The following POM121L2 variants were observed in gnomAD, a reference collection of about 807,000 sequenced individuals.
POM121L2 encodes the protein POM121 transmembrane nucleoporin like 2.
For missense variants in POM121L2, 1,167 were observed against 1,260.3 expected, an observed-to-expected ratio of 0.93 and a Z score of 1.12; for synonymous variants, 459 against 483.8, an observed-to-expected ratio of 0.95 and a Z score of 0.67.
Position 27,309,138 on chromosome 6 carries a change from G to A in POM121L2, c.3033C>T (p.Ser1011=), listed in dbSNP as rs1416732446. 2 of 1,551,704 alleles carry A rather than the reference G, an allele frequency of 1.3e-6. No homozygotes were observed. The highest frequency in any genetic ancestry group is 2.4e-5 in the East Asian group (1 of 40,930). ...TTGGGGTTTTTGATTTTGCGCCAAT[G>A]GAAAATGAAGAGGCTGATGATCTAA... ...GPFRSSASSF[S]IGAKSKTPKN... The change falls in exon 1 of 1, where the codon TCC becomes TCT. Residue 1011 remains serine, a synonymous_variant. Coordinates refer to ENST00000444565, the MANE Select transcript of POM121L2 (RefSeq NM_033482.4).
In POM121L2 at chr6:27,309,144, T is replaced by C; in HGVS notation, c.3027A>G (p.Ser1009=). The C allele has an allele frequency of 6.4e-7, 1 of 1,551,728 alleles. No homozygotes were observed. Among genetic ancestry groups the C allele is most frequent in the Non-Finnish European group, 8.7e-7 (1 of 1,146,998 alleles). The part of the protein sequence containing the change: ...GRGPFRSSAS[S]FSIGAKSKTP... ...TTTTTGATTTTGCGCCAATGGAAAA[T>C]GAAGAGGCTGATGATCTAAAAGGTC... Residue 1009 remains serine (S), a synonymous_variant, in exon 1 of 1, where the codon TCA becomes TCG. Transcript: ENST00000444565.
Position 27,311,832 on chromosome 6 carries a change from T to C in POM121L2, c.339A>G (p.Pro113=). 1 of 1,551,760 alleles carries C rather than the reference T, an allele frequency of 6.4e-7. No individual in the cohort carries two copies. The highest frequency in any genetic ancestry group is 8.7e-7 in the Non-Finnish European group (1 of 1,147,004). ...RTIWSLRHPR[P]IWSPVTIRIT... ...TCCTGATGGTCACTGGGCTCCAAAT[T>C]GGCCTGGGATGTCGAAGAGACCAAA... Residue 113 remains proline (P), a synonymous_variant, in exon 1 of 1, where the codon CCA becomes CCG. Transcript: ENST00000444565.
rs779518027 is a variant in POM121L2, at chr6:27,309,404, C to T, written c.2767G>A (p.Ala923Thr). The T allele has an allele frequency of 1.5e-5, 23 of 1,551,458 alleles. No homozygotes were observed. The African/African-American group carries it at 1.8e-4, about 12-fold the overall frequency. The change falls in exon 1 of 1, where the codon GCA (alanine) becomes ACA (threonine). Residue 923 changes from alanine to threonine, a missense_variant. By Grantham distance (58) the Ala-to-Thr change is moderately conservative (BLOSUM62 0). Coordinates refer to ENST00000444565, the MANE Select transcript of POM121L2 (RefSeq NM_033482.4). Reference protein sequence around the residue: ...SPTSGAFSIGALPSGTTNTMI... With the variant: ...SPTSGAFSIGTLPSGTTNTMI... ...GTGTTAGTGGTCCCACTAGGCAATGCTCCAATGCTGAAAGCTCCAGAGGTG... is the reference window on the plus strand; with the variant it reads ...GTGTTAGTGGTCCCACTAGGCAATGTTCCAATGCTGAAAGCTCCAGAGGTG...
Position 27,310,836 on chromosome 6 carries a change from C to T in POM121L2, c.1335G>A (p.Gly445=). 2 of 1,551,594 alleles carry T rather than the reference C, an allele frequency of 1.3e-6. No individual in the cohort carries two copies. The highest frequency in any genetic ancestry group is 2.4e-5 in the East Asian group (1 of 40,914). ...CTGGAAGGAGCTCTGACTGTGAGCACCCAGGTGGGGTCGGTAGGCTGGGTG... is the reference window on the plus strand; with the variant it reads ...CTGGAAGGAGCTCTGACTGTGAGCATCCAGGTGGGGTCGGTAGGCTGGGTG... ...LKTPSLPTPP[G]CSQSELLPGT... is the part of the protein sequence containing the mutation. Residue 445 remains glycine (G), a synonymous_variant, in exon 1 of 1, where the codon GGG becomes GGA. Coordinates refer to ENST00000444565, the MANE Select transcript of POM121L2 (RefSeq NM_033482.4).
At position 27,310,804 on chromosome 6, in the gene POM121L2, G is replaced by A; in HGVS notation, c.1367C>T (p.Ser456Phe). 6.4e-7 allele frequency: 1 copy of A among 1,551,776 alleles called. No individual in the cohort carries two copies. ...AGTAGCTGTGGGCTTTGAGTCTGGA[G>A]AGGTGCCTGGAAGGAGCTCTGACTG... ...CSQSELLPGT[S>F]PDSKPTATFI... The change falls in exon 1 of 1, where the codon TCT becomes TTT. Residue 456 changes from serine (S) to phenylalanine (F), a missense_variant. Transcript: ENST00000444565.
chr6:27,312,045 C>G lies in POM121L2; in HGVS notation c.126G>C (p.Gln42His), dbSNP rs1297580411. 5.2e-6 allele frequency: 8 copies of G among 1,526,598 alleles called. No homozygotes were observed. Among genetic ancestry groups the G allele is most frequent in the South Asian group, 1.2e-5 (1 of 80,498 alleles). The allele number at this position is 1,526,598 out of a possible 1,614,324, so 94.6% of individuals were successfully genotyped here. A position where few individuals can be genotyped will look rare whatever the true frequency, so the allele number is the denominator to read the frequency against. ...PQPLHQVHRV[Q>H]FVHRAHPAPR... is the part of the protein sequence containing the mutation. ...GGGCAGGGTGGGCGCGGTGGACGAA[C>G]TGAACCCGATGAACTTGGTGAAGGG... Residue 42 changes from glutamine to histidine, a missense_variant, in exon 1 of 1, where the codon CAG becomes CAC. By Grantham distance (24) the Gln-to-His change is conservative. Transcript: ENST00000444565. This position sits in a 1 kb window ranked among gnomAD's most constrained non-coding sequence, Gnocchi z 6.7.
In POM121L2 at chr6:27,310,278, T is replaced by A. The variant is rs1351837503; in HGVS notation, c.1893A>T (p.Thr631=). ...GTGGCTTAAAAACAGAGTCTTTAGA[T>A]GTGCTGGCTAGGGTGGTGGACATGA... ...SVVMSTTLAS[T]SKDSVFKPPL... Residue 631 remains threonine (T), a synonymous_variant, in exon 1 of 1, where the codon ACA becomes ACT. Coordinates refer to ENST00000444565, the MANE Select transcript of POM121L2 (RefSeq NM_033482.4). The A allele has an allele frequency of 1.9e-6, 3 of 1,552,232 alleles. No individual in the cohort carries two copies. Among genetic ancestry groups the A allele is most frequent in the Non-Finnish European group, 2.6e-6 (3 of 1,147,144 alleles).
In POM121L2 at chr6:27,311,938, C is replaced by T; in HGVS notation, c.233G>A (p.Arg78His). Reference protein sequence around the residue: ...TTWLANEAWRRFPMKKSQNSP... With the variant: ...TTWLANEAWRHFPMKKSQNSP... ...ATTCTGGGACTTCTTCATGGGAAAG[C>T]GCCTCCAGGCCTCGTTGGCCAGCCA... is the stretch of plus-strand genomic sequence containing the variant. Residue 78 changes from arginine (R) to histidine (H), a missense_variant, in exon 1 of 1, where the codon CGC becomes CAC. Physicochemically the swap from Arg to His is conservative, Grantham distance 29. Transcript: ENST00000444565. The T allele has an allele frequency of 6.4e-7, 1 of 1,551,666 alleles. No homozygotes were observed. Among genetic ancestry groups the T allele is most frequent in the Non-Finnish European group, 8.7e-7 (1 of 1,146,966 alleles).
chr6:27,311,905 A>AG (rs1561791064), upstream of POM121L2: 37 of 1,551,564 alleles, frequency 2.4e-5, no homozygotes, highest in Non-Finnish European at 3.1e-5. Context: ...GAGAGGCCCC[A>AG]GGGGGGAATT....
Position 27,310,557 on chromosome 6 carries a change from C to A in POM121L2, c.1614G>T (p.Leu538Phe). The A allele has an allele frequency of 6.4e-7, 1 of 1,552,106 alleles. No homozygotes were observed. The highest frequency in any genetic ancestry group is 1.2e-5 in the South Asian group (1 of 84,066). ...TSAHLMLKPI[L>F]GPLHNSEIGS... The stretch of plus-strand genomic sequence containing the variant: ...CAATCTCGCTGTTGTGCAGGGGCCC[C>A]AAAATCGGTTTTAACATGAGGTGAG... The change falls in exon 1 of 1, where the codon TTG becomes TTT. Residue 538 changes from leucine (L) to phenylalanine (F), a missense_variant. Physicochemically the swap from Leu to Phe is conservative, Grantham distance 22. Coordinates refer to ENST00000444565, the MANE Select transcript of POM121L2 (RefSeq NM_033482.4).
At position 27,312,067 on chromosome 6, in the gene POM121L2, A is replaced by T; in HGVS notation, c.104T>A (p.Leu35His). 1 of 1,509,348 alleles carries T rather than the reference A, an allele frequency of 6.6e-7. No individual in the cohort carries two copies. Among genetic ancestry groups the T allele is most frequent in the Non-Finnish European group, 8.9e-7 (1 of 1,124,714 alleles). 93.5% of individuals were successfully genotyped at this position (1,509,348 alleles called of 1,614,324 possible). A position where few individuals can be genotyped will look rare whatever the true frequency, so the allele number is the denominator to read the frequency against. ...GAACTGAACCCGATGAACTTGGTGA[A>T]GGGGCTGAGGTGGCCGGCGTTTCGT... ...RPTKRRPPQPLHQVHRVQFVH... is the reference protein window; with the variant it reads ...RPTKRRPPQPHHQVHRVQFVH... The change falls in exon 1 of 1, where the codon CTT becomes CAT. Residue 35 changes from leucine to histidine, a missense_variant. By Grantham distance (99) the Leu-to-His change is moderately conservative (BLOSUM62 -3). Transcript: ENST00000444565. The surrounding 1 kb of genome is among the most constrained non-coding windows in gnomAD (Gnocchi z 6.7).
rs750547129 is a variant in POM121L2 at position 27,309,322 on chromosome 6, C to T, written c.2849G>A (p.Arg950His). ...GCCTCTCCCCAAGGAAAAAGCTGTG[C>T]GGTGGCTGGGCAGGCCTTCAGTGTT... Reference protein sequence around the residue: ...SQNTEGLPSHRTAFSLGRGSI... With the variant: ...SQNTEGLPSHHTAFSLGRGSI... The change falls in exon 1 of 1, where the codon CGC (arginine) becomes CAC (histidine). Residue 950 changes from arginine (R) to histidine (H), a missense_variant. Transcript: ENST00000444565. The T allele has an allele frequency of 2.2e-5, 34 of 1,551,048 alleles. No homozygotes were observed. Among genetic ancestry groups the T allele is most frequent in the East Asian group, 4.9e-5 (2 of 40,910 alleles).
Position 27,310,061 on chromosome 6 carries a change from G to T in POM121L2, c.2110C>A (p.Gln704Lys). The T allele has an allele frequency of 6.4e-7, 1 of 1,552,194 alleles. No individual in the cohort carries two copies. Among genetic ancestry groups the T allele is most frequent in the South Asian group, 1.2e-5 (1 of 84,056 alleles). ...ATCTGTACAACACTGGAAAGGACCT[G>T]GGTAAACATGGTGACTGTATGCACA... The part of the protein sequence containing the change: ...PTVHTVTMFT[Q>K]VLSSVVQISP... Residue 704 changes from glutamine (Q) to lysine (K), a missense_variant, in exon 1 of 1, where the codon CAG becomes AAG. Coordinates refer to ENST00000444565, the MANE Select transcript of POM121L2 (RefSeq NM_033482.4).
At position 27,311,237 on chromosome 6, in the gene POM121L2, C is replaced by A; in HGVS notation, c.76G>T (p.Glu26Ter). Reference sequence around the variant, plus strand: ...TTCTGGTTTTGCTGCCCAGAACTTTCAGATCCTCCTAGGGACTCAAAATCT... The same window carrying A: ...TTCTGGTTTTGCTGCCCAGAACTTTAAGATCCTCCTAGGGACTCAAAATCT... Residue 26 changes from glutamate (E) to a stop codon, truncating the protein, a stop_gained, in exon 1 of 2, where the codon GAA becomes TAA. Coordinates refer to the POM121L2 transcript ENST00000429945. LOFTEE classifies it high-confidence loss of function. 6.4e-7 allele frequency: 1 copy of A among 1,551,914 alleles called. No individual in the cohort carries two copies.
chr6:27,309,368 A>C lies in POM121L2; in HGVS notation c.2803T>G (p.Phe935Val), dbSNP rs779987632. 3.0e-5 allele frequency: 46 copies of C among 1,551,504 alleles called. No homozygotes were observed. Among genetic ancestry groups the C allele is most frequent in the Non-Finnish European group, 3.9e-5 (45 of 1,146,948 alleles). ...PSGTTNTMIPFGKGWSQNTEG... is the reference protein window; with the variant it reads ...PSGTTNTMIPVGKGWSQNTEG... ...GTGTTCTGGCTCCAGCCTTTTCCAA[A>C]GGGGATCATGGTGTTAGTGGTCCCA... Residue 935 changes from phenylalanine to valine, a missense_variant, in exon 1 of 1, where the codon TTT becomes GTT. Physicochemically the swap from Phe to Val is conservative, Grantham distance 50. Transcript: ENST00000444565.
chr6:27,311,724 C>A lies in POM121L2; in HGVS notation c.447G>T (p.Glu149Asp), dbSNP rs202012145. ...TCTCCTTTGAACATGGATCTGCGAG[C>A]TCCTCAGAGGGCGGGAGTCCTGCAA... ...IALAGLPPSE[E>D]LADPCSKETV... The change falls in exon 1 of 1, where the codon GAG (glutamate) becomes GAT (aspartate). Residue 149 changes from glutamate to aspartate, a missense_variant. Transcript: ENST00000444565. 8.9e-5 allele frequency: 138 copies of A among 1,551,768 alleles called. No individual in the cohort carries two copies. The highest frequency in any genetic ancestry group is 1.1e-4 in the Non-Finnish European group (129 of 1,147,052).
In POM121L2 at chr6:27,311,299, C is replaced by CT; in HGVS notation, c.13dup (p.Ser5LysfsTer16). On this transcript the variant is annotated frameshift_variant, in exon 1 of 2. Transcript: ENST00000429945. LOFTEE classifies it high-confidence loss of function. ...GACTGGAGAGGAAGGCCGATGACAA[C>CT]TTTTTTCCTTTTTTATTGGCCACTC... 1 of 1,551,652 alleles carries CT rather than the reference C, an allele frequency of 6.4e-7. No homozygotes were observed. Among genetic ancestry groups the CT allele is most frequent in the Non-Finnish European group, 8.7e-7 (1 of 1,147,008 alleles).
Position 27,312,021 on chromosome 6 carries a change from G to A in POM121L2, c.150C>T (p.Ala50=), listed in dbSNP as rs1373330420. ...RVQFVHRAHP[A]PRYRPVRRRP... ...GCCTCCTCACAGGTCTATACCGTGG[G>A]GCAGGGTGGGCGCGGTGGACGAACT... is the stretch of plus-strand genomic sequence containing the variant. Residue 50 remains alanine, a synonymous_variant, in exon 1 of 1, where the codon GCC becomes GCT. Coordinates refer to ENST00000444565, the MANE Select transcript of POM121L2 (RefSeq NM_033482.4). The surrounding 1 kb of genome is among the most constrained non-coding windows in gnomAD (Gnocchi z 6.7). The A allele has an allele frequency of 7.8e-6, 12 of 1,536,910 alleles. No homozygotes were observed. The East Asian group carries it at 1.5e-4, about 19-fold the overall frequency.
rs61736082 is a variant in POM121L2 at position 27,309,937 on chromosome 6, A to G, written c.2234T>C (p.Ile745Thr). ...TGTGATTGCTGGAGTCAGGTTGGAG[A>G]TGCTGGGGGTTGATGCAAGCCAGTT... ...STNWLASTPS[I>T]SNLTPAITSP... The change falls in exon 1 of 1, where the codon ATC (isoleucine) becomes ACC (threonine). Residue 745 changes from isoleucine to threonine, a missense_variant. By Grantham distance (89) the Ile-to-Thr change is moderately conservative (BLOSUM62 -1). Coordinates refer to ENST00000444565, the MANE Select transcript of POM121L2 (RefSeq NM_033482.4). The G allele has an allele frequency of 1.3e-6, 2 of 1,551,570 alleles. No homozygotes were observed. The highest frequency in any genetic ancestry group is 1.7e-6 in the Non-Finnish European group (2 of 1,147,012).
Sources: allele counts gnomAD v4.1 joint callset, GRCh38; gene constraint gnomAD v4.1.1; non-coding constraint Gnocchi (gnomAD v3.1); transcripts MANE v1.5; gene names NCBI Gene and HGNC (gene_info 2026-07-23, HGNC 2026-07-21).